The following HIP1R variants were observed in gnomAD, a reference collection of about 807,000 sequenced individuals.
The protein encoded by HIP1R is huntingtin interacting protein 1 related.
A neutral mutation model predicts 144.2 loss-of-function variants in HIP1R; 135 were observed. The ratio of observed to expected loss-of-function variants is 0.94; its 90% CI spans 0.81 to 1.08. The LOEUF (loss-of-function observed/expected upper bound fraction) is 1.08. Among genes scored for constraint, HIP1R ranks in the 50% least tolerant of loss-of-function variants. The probability of loss-of-function intolerance (pLI) is 0.00; values close to 1 mark genes in which losing one functional copy is unlikely to be tolerated. For synonymous variants in HIP1R, 698 were observed against 612.8 expected (o/e 1.14, Z -2.05); for missense variants, 1,462 against 1,432.8 (o/e 1.02, Z -0.33).
In HIP1R at chr12:122,855,358, G is replaced by C. The variant is rs1294551367; in HGVS notation, c.946G>C (p.Glu316Gln). 1 of 1,602,656 alleles carries C rather than the reference G, an allele frequency of 6.2e-7. No homozygotes were observed. The highest frequency in any genetic ancestry group is 1.7e-5 in the Admixed American group (1 of 58,408). Residue 316 changes from glutamate (E) to glutamine (Q), a missense_variant, in exon 11 of 32, where the codon GAG becomes CAG. This residue lies in a region of HIP1R where 1,112 missense variants were observed against 1,011.7 expected (regional missense o/e 1.10). Transcript: ENST00000253083. ...GGAGGCCCCGGAAGATGAGGAGCCG[G>C]AGAATCTCATTGAGATCAGCACAGG... The part of the protein sequence containing the change: ...PEEAPEDEEP[E>Q]NLIEISTGPP...
At chr12:122,842,126 G>A (rs1188461209) in intron 1 of HIP1R, among the ~76,000 whole-genome samples, 2 of 152,138 alleles carry the variant, frequency 1.3e-5, no homozygotes, top group Admixed American at 6.5e-5. Context: ...GGGGACAGAC[G>A]CATTTGAATG....
In HIP1R at chr12:122,850,898, G is replaced by C. The variant is rs775359575; in HGVS notation, c.502G>C (p.Asp168His). 101 of 1,610,408 alleles carry C rather than the reference G, an allele frequency of 6.3e-5. No individual in the cohort carries two copies. Among genetic ancestry groups the C allele is most frequent in the Non-Finnish European group, 8.4e-5 (99 of 1,178,670 alleles). ...DEVLEKAAGT[D>H]VNNIFQLTVE... ...GGTACTGGAGAAGGCAGCTGGGACCGATGTCAACAACATGTGAGTCACTCT... is the reference window on the plus strand; with the variant it reads ...GGTACTGGAGAAGGCAGCTGGGACCCATGTCAACAACATGTGAGTCACTCT... The change falls in exon 6 of 32, where the codon GAT (aspartate) becomes CAT (histidine). Residue 168 changes from aspartate to histidine, a missense_variant. This residue lies in a region of HIP1R where 350 missense variants were observed against 421.1 expected (regional missense o/e 0.83). Transcript: ENST00000253083.
intron 21 of HIP1R, 39 bp downstream of exon 21, chr12:122,858,984 C>T (rs1279816359): frequency 1.9e-6 from 3 of 1,611,036 alleles, no homozygotes; most frequent in Non-Finnish European, 2.5e-6. Context: ...GTCCACCTCA[C>T]TGGCTTGTCT....
In HIP1R at chr12:122,836,198, C is replaced by A. The variant is rs1269469240; in HGVS notation, c.93+555C>A. ...CCTTAAACTCCCAGCTTCCTTCTCT[C>A]GTGAGCGGTTTCCCAGGGCTGCACA... On this transcript the variant is annotated intron_variant, in intron 1 of 31. Coordinates refer to ENST00000253083, the MANE Select transcript of HIP1R (RefSeq NM_003959.3). This position sits in a 1 kb window ranked among gnomAD's most constrained non-coding sequence, Gnocchi z 4.1. Among the ~76,000 whole-genome samples the A allele has an allele frequency of 3.3e-5, 5 of 152,166 alleles. No individual in the cohort carries two copies. The highest frequency in any genetic ancestry group is 1.2e-4 in the African/African-American group (5 of 41,436).
intron 1 of HIP1R, among the ~76,000 whole-genome samples, chr12:122,839,706 G>A (rs1393749493): frequency 6.6e-6 from 1 of 152,206 alleles, no homozygotes; most frequent in Non-Finnish European, 1.5e-5. Flanking sequence ...GCGATTAACT[G>A]TAATAGCATA....
In HIP1R at chr12:122,860,725, C is replaced by T; in HGVS notation, c.2707C>T (p.Leu903Phe). The T allele has an allele frequency of 6.2e-7, 1 of 1,613,340 alleles. No homozygotes were observed. Among genetic ancestry groups the T allele is most frequent in the Non-Finnish European group, 8.5e-7 (1 of 1,179,970 alleles). ...VVLHTGKYEE[L>F]IVCSHEIAAS... ...GCTTCACACGGGCAAGTATGAGGAGCTCATCGTCTGCTCCCACGAGATCGC... is the reference window on the plus strand; with the variant it reads ...GCTTCACACGGGCAAGTATGAGGAGTTCATCGTCTGCTCCCACGAGATCGC... The change falls in exon 28 of 32, where the codon CTC becomes TTC. Residue 903 changes from leucine (L) to phenylalanine (F), a missense_variant. Around this residue, in one of 2 missense-constraint regions of HIP1R, gnomAD observed 1,112 missense variants for 1,011.7 expected, o/e 1.10. Transcript: ENST00000253083.
Position 122,861,352 on chromosome 12 carries a change from G to A in HIP1R, c.2997G>A (p.Met999Ile). The A allele has an allele frequency of 6.2e-7, 1 of 1,613,646 alleles. No homozygotes were observed. Among genetic ancestry groups the A allele is most frequent in the Non-Finnish European group, 8.5e-7 (1 of 1,179,958 alleles). ...AGAAGACGCTGGAGGCTGAACGCAT[G>A]CGGCTGGGGGAGTTGCGGAAGCAAC... ...ELEKTLEAER[M>I]RLGELRKQHY... The change falls in exon 31 of 32, where the codon ATG becomes ATA. Residue 999 changes from methionine to isoleucine, a missense_variant. By Grantham distance (10) the Met-to-Ile change is conservative. Transcript: ENST00000253083.
chr12:122,836,745 G>T lies in HIP1R; in HGVS notation c.93+1102G>T, dbSNP rs1170320282. Among the ~76,000 whole-genome samples the T allele has an allele frequency of 6.6e-6, 1 of 152,162 alleles. No homozygotes were observed. The highest frequency in any genetic ancestry group is 6.5e-5 in the Admixed American group (1 of 15,282). The stretch of plus-strand genomic sequence containing the variant: ...GTTCCGTCCCACTTGTCCTTGCAGA[G>T]AGCTATGACTTCTGCGGTTGCCTTC... On this transcript the variant is annotated intron_variant, in intron 1 of 31. Transcript: ENST00000253083. This position sits in a 1 kb window ranked among gnomAD's most constrained non-coding sequence, Gnocchi z 4.1.
chr12:122,835,548 A>G lies in HIP1R; in HGVS notation c.-3A>G. ...CCGGACAAAAGCGGGCGGCGGCGGC[A>G]GGATGAACAGCATCAAGAACGTGCC... On this transcript the variant is annotated 5_prime_UTR_variant, in exon 1 of 32. Transcript: ENST00000253083. The G allele has an allele frequency of 3.7e-6, 5 of 1,336,170 alleles. No homozygotes were observed. The highest frequency in any genetic ancestry group is 1.7e-5 in the South Asian group (1 of 58,378). 82.8% of individuals were successfully genotyped at this position (1,336,170 alleles called of 1,614,324 possible).
Position 122,859,164 on chromosome 12 carries a change from G to A in HIP1R, c.2262G>A (p.Arg754=). 3 of 1,577,758 alleles carry A rather than the reference G, an allele frequency of 1.9e-6. No homozygotes were observed. Among genetic ancestry groups the A allele is most frequent in the Middle Eastern group, 3.4e-4 (2 of 5,932 alleles). Residue 754 remains arginine (R), a synonymous_variant, in exon 22 of 32, where the codon CGG becomes CGA. Transcript: ENST00000253083. ...ALRHMQASLV[R]TPLQGILQLG... is the part of the protein sequence containing the mutation. ...GGCACATGCAGGCCAGCCTGGTGCG[G>A]ACACCCCTGCAGGGCATCCTTCAGC... is the stretch of plus-strand genomic sequence containing the variant.
chr12:122,855,443 A>C (rs956529655), intron 11 of HIP1R, 38 bp downstream of exon 11: 2 of 1,549,448 alleles, frequency 1.3e-6, no homozygotes, highest in Admixed American at 3.9e-5. Context: ...CCAGTCCTCC[A>C]GCTGCAGCAT....
chr12:122,856,021 A>G lies in HIP1R; in HGVS notation c.1170A>G (p.Ala390=). ...CGCAGCTGAAGAGCCAGGTGAATGC[A>G]CTGGAGGGTGAGCTGGAGGAGCAGC... ...YIAQLKSQVN[A]LEGELEEQRK... Residue 390 remains alanine (A), a synonymous_variant, in exon 14 of 32, where the codon GCA becomes GCG. Coordinates refer to ENST00000253083, the MANE Select transcript of HIP1R (RefSeq NM_003959.3). 6.3e-7 allele frequency: 1 copy of G among 1,596,680 alleles called. No homozygotes were observed. Among genetic ancestry groups the G allele is most frequent in the Non-Finnish European group, 8.5e-7 (1 of 1,171,952 alleles).
chr12:122,845,092 C>G (rs979584129), intron 1 of HIP1R, among the ~76,000 whole-genome samples: 2 of 152,238 alleles, frequency 1.3e-5, no homozygotes, highest in Non-Finnish European at 2.9e-5. Context: ...AGCCTCAGAG[C>G]GGAGCTGCGT....
intron 1 of HIP1R, among the ~76,000 whole-genome samples, chr12:122,837,656 A>G (rs117708738): frequency 0.034 from 5,205 of 152,280 alleles, 117 homozygotes; most frequent in Non-Finnish European, 0.053. Flanking sequence ...TTTTTCTCAG[A>G]GGCTAAGAGG....
intron 1 of HIP1R, among the ~76,000 whole-genome samples, chr12:122,845,521 G>C (rs1277144737): frequency 1.3e-5 from 2 of 152,208 alleles, no homozygotes; most frequent in Non-Finnish European, 1.5e-5. Context: ...TGTGCCCAAG[G>C]CATGCCCCGT....
At position 122,858,188 on chromosome 12, in the gene HIP1R, C is replaced by T. The variant is rs1278599572; in HGVS notation, c.1902C>T (p.Ile634=). ...LRGAAAEAAG[I]LQDAVSKLDD... Reference sequence around the variant, plus strand: ...GCGCTGCTGCCGAGGCCGCGGGCATCCTGCAGGATGCCGTGAGCAAGCTGG... The same window carrying T: ...GCGCTGCTGCCGAGGCCGCGGGCATTCTGCAGGATGCCGTGAGCAAGCTGG... The change falls in exon 19 of 32, where the codon ATC becomes ATT. Residue 634 remains isoleucine (I), a synonymous_variant. Coordinates refer to ENST00000253083, the MANE Select transcript of HIP1R (RefSeq NM_003959.3). The T allele has an allele frequency of 4.4e-6, 7 of 1,608,110 alleles. No homozygotes were observed. Among genetic ancestry groups the T allele is most frequent in the African/African-American group, 4.0e-5 (3 of 74,878 alleles).
At chr12:122,851,618 T>C (rs1338560150) in intron 7 of HIP1R, among the ~76,000 whole-genome samples, 6 of 151,594 alleles carry the variant, frequency 4.0e-5, no homozygotes, top group African/African-American at 1.5e-4. Flanking sequence ...GAGAATCACT[T>C]GAACCTGGGC....
At chr12:122,848,663 A>G in intron 3 of HIP1R, 55 bp downstream of exon 3, 1 of 1,595,732 alleles carries the variant, frequency 6.3e-7, no homozygotes, top group Non-Finnish European at 8.6e-7. Flanking sequence ...TCCCGCGGAC[A>G]TGCGGGCTCT....
Position 122,858,441 on chromosome 12 carries a change from T to A in HIP1R, c.2050+6T>A. 2 of 1,598,982 alleles carry A rather than the reference T, an allele frequency of 1.3e-6. No individual in the cohort carries two copies. The highest frequency in any genetic ancestry group is 1.7e-6 in the Non-Finnish European group (2 of 1,171,212). On this transcript the variant is annotated splice_donor_region_variant and intron_variant, in intron 20 of 31. Transcript: ENST00000253083. ...GTACCTGACCTCCTTGGCAGGTGAG[T>A]GTAGCCAGGGCAGGGCGGAGGCGGG... is the stretch of plus-strand genomic sequence containing the variant.
Sources: gnomAD v4.1 joint callset for allele counts (sites outside exome capture counted in the v4.1 genomes callset) on GRCh38, gnomAD v4.1.1 for gene constraint, gnomAD v4.1.1 regional missense constraint, Gnocchi (gnomAD v3.1) non-coding constraint, MANE v1.5 for transcripts, NCBI Gene and HGNC (gene_info 2026-07-23, HGNC 2026-07-21) for gene names.